The following SLC8A2 variants were observed in gnomAD, a reference collection of about 807,000 sequenced individuals.
The protein encoded by SLC8A2 is sodium/calcium exchanger 2.
Under a neutral mutation model 70.2 loss-of-function variants are expected in SLC8A2, and 14 were observed. That is an observed-to-expected ratio of 0.20 (90% confidence interval 0.13 to 0.31). SLC8A2 has a LOEUF of 0.31. Ranked by LOEUF, SLC8A2 falls within the 10% of genes least tolerant of loss-of-function variation. The pLI, the probability that SLC8A2 is intolerant of heterozygous loss-of-function variation, is 1.00. For missense variants in SLC8A2, 779 were observed against 1,320.1 expected (o/e 0.59, Z 6.35); for synonymous variants, 575 against 594.3 (o/e 0.97, Z 0.47).
chr19:47,440,192 C>A (rs138919808), intron 6 of SLC8A2, among the ~76,000 whole-genome samples: 34 of 152,102 alleles, frequency 2.2e-4, no homozygotes, highest in African/African-American at 8.0e-4. Flanking sequence ...AACCTAAATT[C>A]CTCAAACTCT....
At chr19:47,441,247 G>A (rs1967096240) in intron 5 of SLC8A2, 61 bp from the exon 6 acceptor site, 6 of 1,600,582 alleles carry the variant, frequency 3.7e-6, no homozygotes, top group South Asian at 2.2e-5. Flanking sequence ...TCAGGTCCAC[G>A]AGCTTTAAGG....
At chr19:47,445,987 G>A (rs1323459722) in intron 4 of SLC8A2, among the ~76,000 whole-genome samples, 1 of 152,188 alleles carries the variant, frequency 6.6e-6, no homozygotes, top group South Asian at 2.1e-4. Flanking sequence ...CAGAGAGCGA[G>A]GTGCTGGGGA....
At chr19:47,434,351 C>A (rs965813316) in intron 8 of SLC8A2, among the ~76,000 whole-genome samples, 1 of 152,224 alleles carries the variant, frequency 6.6e-6, no homozygotes, top group Non-Finnish European at 1.5e-5. Flanking sequence ...CTCCCCTCTA[C>A]AGGGAGGCTC....
Position 47,457,351 on chromosome 19 carries a change from C to T in SLC8A2, c.919G>A (p.Glu307Lys). The change falls in exon 3 of 10, where the codon GAG becomes AAG. Residue 307 changes from glutamate (E) to lysine (K), a missense_variant. Coordinates refer to ENST00000236877, the MANE Select transcript of SLC8A2 (RefSeq NM_015063.3). ...GLGPGPAEAR[E>K]LDASRREVIQ... ...ACCTCGCGGCGGCTGGCGTCCAGCT[C>T]GCGCGCCTCGGCGGGGCCCGGGCCC... 6.5e-7 allele frequency: 1 copy of T among 1,542,222 alleles called. No individual in the cohort carries two copies. The highest frequency in any genetic ancestry group is 8.7e-7 in the Non-Finnish European group (1 of 1,144,168).
intron 6 of SLC8A2, among the ~76,000 whole-genome samples, chr19:47,440,583 C>A (rs1183980803): frequency 3.1e-5 from 4 of 130,190 alleles, no homozygotes; most frequent in Non-Finnish European, 7.0e-5. Context: ...CCTGTCATCA[C>A]ACTCAGCTAA....
At chr19:47,470,802 G>A (rs1170438467) in intron 1 of SLC8A2, among the ~76,000 whole-genome samples, 1 of 152,154 alleles carries the variant, frequency 6.6e-6, no homozygotes, top group Non-Finnish European at 1.5e-5. Context: ...AAGAAGGACC[G>A]GCCTCAGAAC....
chr19:47,447,981 G>C lies in SLC8A2; in HGVS notation c.1591C>G (p.Leu531Val), dbSNP rs776570248. The C allele has an allele frequency of 2.6e-6, 4 of 1,561,030 alleles. No homozygotes were observed. Among genetic ancestry groups the C allele is most frequent in the Non-Finnish European group, 3.5e-6 (4 of 1,152,590 alleles). Residue 531 changes from leucine to valine, a missense_variant, in exon 4 of 10, where the codon CTG (leucine) becomes GTG (valine). Leu to Val is a conservative substitution (Grantham distance 32). Coordinates refer to ENST00000236877, the MANE Select transcript of SLC8A2 (RefSeq NM_015063.3). The surrounding 1 kb of genome is among the most constrained non-coding windows in gnomAD (Gnocchi z 5.1). ...CCCATGCACTCGCTCACGTGCAGCA[G>C]GCGGTCCTGGAAGGAGAAGATGCCT... The part of the protein sequence containing the change: ...HAGIFSFQDR[L>V]LHVSECMGTV...
rs1967461131 is a variant in SLC8A2, at chr19:47,466,360, G to A, written c.44C>T (p.Ala15Val). 2.1e-6 allele frequency: 3 copies of A among 1,446,702 alleles called. No individual in the cohort carries two copies. The highest frequency in any genetic ancestry group is 1.4e-5 in the South Asian group (1 of 69,864). 89.6% of individuals were successfully genotyped at this position (1,446,702 alleles called of 1,614,324 possible). A position where few individuals can be genotyped will look rare whatever the true frequency, so the allele number is the denominator to read the frequency against. ...ALVGVTLLLA[A>V]PPCSGAATPT... is the part of the protein sequence containing the mutation. ...GGTGGCTGCCCCGGAGCATGGGGGA[G>A]CCGCCAGGAGGAGTGTGACCCCCAC... Residue 15 changes from alanine (A) to valine (V), a missense_variant, in exon 2 of 10, where the codon GCT becomes GTT. By Grantham distance (64) the Ala-to-Val change is moderately conservative. Transcript: ENST00000236877. The surrounding 1 kb of genome is among the most constrained non-coding windows in gnomAD (Gnocchi z 6.9).
intron 2 of SLC8A2, among the ~76,000 whole-genome samples, chr19:47,462,132 A>G (rs1967402950): frequency 6.6e-6 from 1 of 152,198 alleles, no homozygotes; most frequent in Non-Finnish European, 1.5e-5. Context: ...GTCCCACACA[A>G]TGCAGAAATG....
In SLC8A2 at chr19:47,471,048, G is replaced by C. The variant is rs560539904; in HGVS notation, c.-17+741C>G. 7.2e-5 allele frequency among the ~76,000 whole-genome samples: 11 copies of C among 151,936 alleles called. 1 individual carries two copies. The South Asian group carries it at 2.3e-3, about 32-fold the overall frequency. ...AGGAGGGTGCACTGGCTCCCAGGGA[G>C]AGCCAGAGAAGAGGAAAGAGAGAGA... On this transcript the variant is annotated intron_variant, in intron 1 of 9. Coordinates refer to ENST00000236877, the MANE Select transcript of SLC8A2 (RefSeq NM_015063.3).
At position 47,432,045 on chromosome 19, in the gene SLC8A2, TTC is replaced by T. The variant is rs755990656; in HGVS notation, c.2389+120_2389+121del. 2 of 931,560 alleles carry T rather than the reference TTC, an allele frequency of 2.1e-6. No individual in the cohort carries two copies. Among genetic ancestry groups the T allele is most frequent in the Admixed American group, 6.2e-5 (2 of 32,022 alleles). 57.7% of individuals were successfully genotyped at this position (931,560 alleles called of 1,614,324 possible). A position where few individuals can be genotyped will look rare whatever the true frequency, so the allele number is the denominator to read the frequency against. Reference sequence around the variant, plus strand: ...CTTCTATTATGCCCCACCTCCGTATTTCTCTGAGACCCACCACATGGGCGCTG... The same window carrying T: ...CTTCTATTATGCCCCACCTCCGTATTTCTGAGACCCACCACATGGGCGCTG... On this transcript the variant is annotated intron_variant, in intron 9 of 9. Coordinates refer to ENST00000236877, the MANE Select transcript of SLC8A2 (RefSeq NM_015063.3). The surrounding 1 kb of genome is among the most constrained non-coding windows in gnomAD (Gnocchi z 6.2).
chr19:47,457,406 G>T lies in SLC8A2; in HGVS notation c.864C>A (p.Gly288=). The T allele has an allele frequency of 6.3e-7, 1 of 1,575,042 alleles. No homozygotes were observed. The highest frequency in any genetic ancestry group is 8.6e-7 in the Non-Finnish European group (1 of 1,163,234). The change falls in exon 3 of 10, where the codon GGC becomes GGA. Residue 288 remains glycine (G), a synonymous_variant. Coordinates refer to ENST00000236877, the MANE Select transcript of SLC8A2 (RefSeq NM_015063.3). ...CGCCCAGCTCACCTGGGGCCTCGGC[G>T]CCCACGAACGTGCCGTCCAGCTCGA... ...KSIELDGTFV[G]AEAPGELGGL...
At chr19:47,440,139 A>G (rs1967083657) in intron 6 of SLC8A2, among the ~76,000 whole-genome samples, 1 of 152,124 alleles carries the variant, frequency 6.6e-6, no homozygotes, top group South Asian at 2.1e-4. Flanking sequence ...CACTGACCTT[A>G]GCCCTAACTC....
In SLC8A2 at chr19:47,465,740, CG is replaced by C; in HGVS notation, c.663del (p.Gly222ValfsTer10). 2 of 1,610,066 alleles carry C rather than the reference CG, an allele frequency of 1.2e-6. No individual in the cohort carries two copies. The highest frequency in any genetic ancestry group is 1.7e-6 in the Non-Finnish European group (2 of 1,177,368). ...GCGTCTTTGCTCACCTGGACCACAC[CG>C]GGGGAAAAAACAGCAAGGATGAGAT... ...WLYLILAVFS[P>X]GVVQVWEALL... On this transcript the variant is annotated frameshift_variant, in exon 2 of 10. Coordinates refer to ENST00000236877, the MANE Select transcript of SLC8A2 (RefSeq NM_015063.3). LOFTEE classifies it high-confidence loss of function. The surrounding 1 kb of genome is among the most constrained non-coding windows in gnomAD (Gnocchi z 5.5).
chr19:47,440,008 A>G (rs1967081427), intron 6 of SLC8A2, among the ~76,000 whole-genome samples: 1 of 152,152 alleles, frequency 6.6e-6, no homozygotes, highest in African/African-American at 2.4e-5. Context: ...CTTGTCGGTC[A>G]GTTTGTTATA....
At chr19:47,433,926 C>T (rs1431462916) in intron 8 of SLC8A2, among the ~76,000 whole-genome samples, 2 of 152,184 alleles carry the variant, frequency 1.3e-5, no homozygotes, top group African/African-American at 2.4e-5. Context: ...TTACAGGTGT[C>T]GGCCACCGTG....
chr19:47,456,830 G>A, intron 3 of SLC8A2, 100 bp downstream of exon 3: 1 of 1,163,614 alleles, frequency 8.6e-7, no homozygotes, highest in Non-Finnish European at 1.2e-6. Context: ...AATGAATCCT[G>A]CAGGAGTCAG....
In SLC8A2 at chr19:47,430,087, C is replaced by G. The variant is rs189777885; in HGVS notation, c.*2G>C. 2,339 of 1,580,900 alleles carry G rather than the reference C, an allele frequency of 1.5e-3. 30 individuals are homozygous for G. The African/African-American group carries it at 0.026, about 18-fold the overall frequency. ...GGTGGGGACGAGTCTCTGCGCGAGG[C>G]CCTAGAAGCCCCGGATGTGGCAGTA... On this transcript the variant is annotated 3_prime_UTR_variant, in exon 10 of 10. Transcript: ENST00000236877. This position sits in a 1 kb window ranked among gnomAD's most constrained non-coding sequence, Gnocchi z 5.9.
In SLC8A2 at chr19:47,428,425, G is replaced by A. The variant is rs577292184; in HGVS notation, c.*1664C>T. 6.6e-6 allele frequency: 1 copy of A among 151,620 alleles called. No homozygotes were observed. The highest frequency in any genetic ancestry group is 6.6e-5 in the Admixed American group (1 of 15,234). 9.4% of individuals were successfully genotyped at this position (151,620 alleles called of 1,614,324 possible). On this transcript the variant is annotated 3_prime_UTR_variant, in exon 10 of 10. Transcript: ENST00000236877. ...TGACTGATGGATGGGGGTGTGGCTA[G>A]TGGAAGAGCTAGGCTGACGGATGGG... is the stretch of plus-strand genomic sequence containing the variant.
Sources: gnomAD v4.1 joint callset for allele counts (sites outside exome capture counted in the v4.1 genomes callset) on GRCh38, gnomAD v4.1.1 for gene constraint, Gnocchi (gnomAD v3.1) non-coding constraint, MANE v1.5 for transcripts, NCBI Gene and HGNC (gene_info 2026-07-23, HGNC 2026-07-21) for gene names.